Variants in MMEL1 observed in about 807,000 individuals in gnomAD.
MMEL1 encodes the protein membrane metallo-endopeptidase-like 1.
MMEL1 carries 98 observed loss-of-function variants against 117.1 expected under a neutral mutation model. That is an observed-to-expected ratio of 0.84 (90% CI 0.71 to 0.99). The LOEUF (loss-of-function observed/expected upper bound fraction) is 0.99. Among genes scored for constraint, MMEL1 ranks in the 50% least tolerant of loss-of-function variants. The pLI, the probability that MMEL1 is intolerant of heterozygous loss-of-function variation, is 0.00. For synonymous variants in MMEL1, 390 were observed against 415.1 expected (o/e 0.94, Z 0.74); for missense variants, 1,014 against 1,049.1 (o/e 0.97, Z 0.46).
In MMEL1 at chr1:2,590,850, C is replaced by A. The variant is rs911185110; in HGVS notation, c.*140G>T. ...GTCAGGCAGGTGGCTGCACCCTAGG[C>A]CAGGCGCAGAGGCCTGGCAGGCAGG... On this transcript the variant is annotated 3_prime_UTR_variant, in exon 24 of 24. Transcript: ENST00000378412. 3.8e-5 allele frequency: 23 copies of A among 597,634 alleles called. No homozygotes were observed. Among genetic ancestry groups the A allele is most frequent in the Non-Finnish European group, 5.5e-5 (21 of 382,758 alleles). The allele number at this position is 597,634 out of a possible 1,614,324, so 37.0% of individuals were successfully genotyped here.
rs1026901627 is a variant in MMEL1 at position 2,595,704 on chromosome 1, C to T, written c.1500+305G>A. The stretch of plus-strand genomic sequence containing the variant: ...TTCTGGTGGGTCTGACCCTTGCTCC[C>T]GAGGCCACCGCTACCCCCGCTGGCT... On this transcript the variant is annotated intron_variant, in intron 15 of 23. Transcript: ENST00000378412. This position sits in a 1 kb window ranked among gnomAD's most constrained non-coding sequence, Gnocchi z 4.8. Among the ~76,000 whole-genome samples the T allele has an allele frequency of 2.0e-5, 3 of 152,166 alleles. No homozygotes were observed. Among genetic ancestry groups the T allele is most frequent in the East Asian group, 1.9e-4 (1 of 5,150 alleles).
At chr1:2,594,574 G>C in intron 17 of MMEL1, 131 bp from the exon 18 acceptor site, 1 of 1,196,924 alleles carries the variant, frequency 8.4e-7, no homozygotes, top group Non-Finnish European at 1.2e-6. Context: ...CCAAGATCTG[G>C]TTCCTTCCTG....
At chr1:2,611,399 A>G (rs1382561071) in intron 3 of MMEL1, 59 bp from the exon 4 acceptor site, 2 of 850,338 alleles carry the variant, frequency 2.4e-6, no homozygotes, top group Non-Finnish European at 2.9e-6. Flanking sequence ...GCAGGACTGG[A>G]GTGGGTGTGG....
At chr1:2,597,166 C>T (rs1644856132) in intron 13 of MMEL1, among the ~76,000 whole-genome samples, 1 of 152,084 alleles carries the variant, frequency 6.6e-6, no homozygotes, top group Admixed American at 6.5e-5. Flanking sequence ...ACTCTGGGCC[C>T]CAGACTCAGG....
chr1:2,591,459 T>C, intron 23 of MMEL1, 98 bp downstream of exon 23: 1 of 1,007,670 alleles, frequency 9.9e-7, no homozygotes. Flanking sequence ...AACCTGTCTC[T>C]GTTGAGCCAC....
chr1:2,630,612 T>TGTGACTGCACGTGTGTGCCTGTGC (rs1638508006), intron 1 of MMEL1, among the ~76,000 whole-genome samples: 1 of 150,888 alleles, frequency 6.6e-6, no homozygotes, highest in Non-Finnish European at 1.5e-5. Flanking sequence ...TGTGCATGTG[T>TGTGACTGCACGTGTGTGCCTGTGC]GTGACTGCAC....
rs889580677 is a variant in MMEL1, at chr1:2,611,282, T to G, written c.291A>C (p.Ala97=). 4 of 1,578,830 alleles carry G rather than the reference T, an allele frequency of 2.5e-6. No homozygotes were observed. In the Admixed American group the frequency reaches 5.4e-5, roughly 21 times the overall value. Residue 97 remains alanine, a splice_region_variant and synonymous_variant, in exon 4 of 24, where the codon GCA becomes GCC. Transcript: ENST00000378412. ...EVCTTPGCVI[A]AARILQNMDP... is the part of the protein sequence containing the mutation. ...GGACGGCAAGGGGGCGGGGCTTACC[T>G]GCTATCACGCAGCCAGGGGTGGTGC...
Position 2,624,948 on chromosome 1 carries a change from G to C in MMEL1, c.154+4383C>G, listed in dbSNP as rs150384015. Among the ~76,000 whole-genome samples, 281 of 152,274 alleles carry C rather than the reference G, an allele frequency of 1.8e-3. 1 individual carries two copies. The highest frequency in any genetic ancestry group is 5.9e-3 in the African/African-American group (247 of 41,546). On this transcript the variant is annotated intron_variant, in intron 2 of 23. Coordinates refer to ENST00000378412, the MANE Select transcript of MMEL1 (RefSeq NM_033467.4). ...AGCAGGGGAGAGAGAGAGCGCGAAG[G>C]GGGAGGAGCTGCACACTTTCAAACA...
chr1:2,618,061 C>T (rs535154187), intron 2 of MMEL1, among the ~76,000 whole-genome samples: 1 of 152,282 alleles, frequency 6.6e-6, no homozygotes, highest in Admixed American at 6.5e-5. Context: ...CTAAAGTTTT[C>T]CAAATGCCTT....
rs184733095 is a variant in MMEL1, at chr1:2,612,364, C to T, written c.155-160G>A. Among the ~76,000 whole-genome samples the T allele has an allele frequency of 1.2e-4, 19 of 152,258 alleles. No homozygotes were observed. Among genetic ancestry groups the T allele is most frequent in the African/African-American group, 4.6e-4 (19 of 41,546 alleles). ...TCCCCAGGGCAGCGAGACAGGAGAT[C>T]CACAGAGTTCACTGCAGGGGCCAGC... On this transcript the variant is annotated intron_variant, in intron 2 of 23. Transcript: ENST00000378412. This position sits in a 1 kb window ranked among gnomAD's most constrained non-coding sequence, Gnocchi z 5.4.
chr1:2,613,220 G>A (rs984419245), intron 2 of MMEL1, among the ~76,000 whole-genome samples: 2 of 152,348 alleles, frequency 1.3e-5, no homozygotes, highest in African/African-American at 4.8e-5. Context: ...ATACACCGAG[G>A]TAAAGTGCTG....
Position 2,629,477 on chromosome 1 carries a change from T to G in MMEL1, c.8A>C (p.Lys3Thr), listed in dbSNP as rs750022904. Residue 3 changes from lysine (K) to threonine (T), a missense_variant, in exon 2 of 24, where the codon AAG becomes ACG. By Grantham distance (78) the Lys-to-Thr change is moderately conservative. Transcript: ENST00000378412. Reference sequence around the variant, plus strand: ...CACCATCCCCACTGGGCCTTCGGACTTCCCCATCAGCAGGGCTCTGGACGG... The same window carrying G: ...CACCATCCCCACTGGGCCTTCGGACGTCCCCATCAGCAGGGCTCTGGACGG... MG[K>T]SEGPVGMVES... 6.6e-7 allele frequency: 1 copy of G among 1,516,452 alleles called. No homozygotes were observed. The highest frequency in any genetic ancestry group is 1.2e-5 in the South Asian group (1 of 81,934). The allele number at this position is 1,516,452 out of a possible 1,614,324, so 93.9% of individuals were successfully genotyped here.
chr1:2,610,864 T>C (rs1180937655), intron 4 of MMEL1, among the ~76,000 whole-genome samples: 2 of 152,150 alleles, frequency 1.3e-5, no homozygotes, highest in African/African-American at 2.4e-5. Flanking sequence ...AGTCCAGAGC[T>C]TCTCCACTAT....
At chr1:2,596,823 G>T (rs1006284002) in intron 13 of MMEL1, 134 bp from the exon 14 acceptor site, 15 of 990,976 alleles carry the variant, frequency 1.5e-5, no homozygotes, top group African/African-American at 8.1e-5. Flanking sequence ...GCGGGGGCAC[G>T]GGATGATCTC....
At chr1:2,591,836 A>G (rs1313485822) in intron 22 of MMEL1, 96 bp downstream of exon 22, 3 of 1,309,616 alleles carry the variant, frequency 2.3e-6, no homozygotes, top group Admixed American at 3.5e-5. Flanking sequence ...GGGGCCTTCC[A>G]TGCTGGGCTC....
rs774379311 is a variant in MMEL1, at chr1:2,592,699, C to T, written c.2023G>A (p.Gly675Arg). 5.6e-6 allele frequency: 9 copies of T among 1,610,936 alleles called. No individual in the cohort carries two copies. In the Admixed American group the frequency reaches 1.2e-4, roughly 21 times the overall value. Residue 675 changes from glycine (G) to arginine (R), a missense_variant, in exon 21 of 24, where the codon GGG becomes AGG. Physicochemically the swap from Gly to Arg is moderately radical, Grantham distance 125. Transcript: ENST00000378412. ...EQNVNGFNTLGENIADNGGVR... is the reference protein window; with the variant it reads ...EQNVNGFNTLRENIADNGGVR... Reference sequence around the variant, plus strand: ...CCTCCGTTGTCAGCAATGTTTTCCCCAAGGGTGTTGAATCCGTTCACCTGC... The same window carrying T: ...CCTCCGTTGTCAGCAATGTTTTCCCTAAGGGTGTTGAATCCGTTCACCTGC...
chr1:2,595,723 G>C lies in MMEL1; in HGVS notation c.1500+286C>G, dbSNP rs561665447. ...TGCTCCCGAGGCCACCGCTACCCCCGCTGGCTCATGGGGGGTGCTGGGGAT... is the reference window on the plus strand; with the variant it reads ...TGCTCCCGAGGCCACCGCTACCCCCCCTGGCTCATGGGGGGTGCTGGGGAT... On this transcript the variant is annotated intron_variant, in intron 15 of 23. Coordinates refer to ENST00000378412, the MANE Select transcript of MMEL1 (RefSeq NM_033467.4). This position sits in a 1 kb window ranked among gnomAD's most constrained non-coding sequence, Gnocchi z 4.8. Among the ~76,000 whole-genome samples, 91 of 152,224 alleles carry C rather than the reference G, an allele frequency of 6.0e-4. No individual in the cohort carries two copies. The highest frequency in any genetic ancestry group is 2.1e-3 in the African/African-American group (87 of 41,540).
chr1:2,608,911 A>ATACATG (rs1230763052), intron 6 of MMEL1, among the ~76,000 whole-genome samples: 1 of 151,794 alleles, frequency 6.6e-6, no homozygotes, highest in African/African-American at 2.4e-5. Flanking sequence ...ATGAACACAT[A>ATACATG]TATACACATA....
intron 14 of MMEL1, 89 bp from the exon 15 acceptor site, chr1:2,596,196 C>T: frequency 8.0e-7 from 1 of 1,242,292 alleles, no homozygotes; most frequent in East Asian, 2.3e-5. Context: ...TGGTCTGAGC[C>T]CCGCCGGGGC....
Sources: gnomAD v4.1 joint callset for allele counts (sites outside exome capture counted in the v4.1 genomes callset) on GRCh38, gnomAD v4.1.1 for gene constraint, Gnocchi (gnomAD v3.1) non-coding constraint, MANE v1.5 for transcripts, NCBI Gene and HGNC (gene_info 2026-07-23, HGNC 2026-07-21) for gene names.